STK17A: variants seen among roughly 807,000 people sequenced by gnomAD.
STK17A encodes serine/threonine kinase 17a.
In STK17A, 26 loss-of-function variants were observed where a neutral mutation model predicts 43.7. That is an observed-to-expected ratio of 0.60 (90% CI 0.44 to 0.83). The LOEUF (loss-of-function observed/expected upper bound fraction) is 0.83. Among genes scored for constraint, STK17A ranks in the 40% least tolerant of loss-of-function variants. STK17A has a pLI of 0.00. For synonymous variants in STK17A, 191 were observed against 182.5 expected, an observed-to-expected ratio of 1.05 and a Z score of -0.38; for missense variants, 476 against 511.6, an observed-to-expected ratio of 0.93 and a Z score of 0.67.
In STK17A at chr7:43,627,209, A is replaced by G. The variant is rs2084654466; in HGVS notation, c.*2367A>G. ...ATAAGTTTTAATCAACTGGGAAATG[A>G]TATTTGATTGATCTTGTGTTTTGTT... On this transcript the variant is annotated 3_prime_UTR_variant, in exon 7 of 7. Transcript: ENST00000319357. 6.6e-6 allele frequency among the ~76,000 whole-genome samples: 1 copy of G among 152,202 alleles called. No homozygotes were observed. Among genetic ancestry groups the G allele is most frequent in the Admixed American group, 6.5e-5 (1 of 15,284 alleles).
intron 2 of STK17A, among the ~76,000 whole-genome samples, chr7:43,597,918 CTG>C (rs1053186151): frequency 3.0e-4 from 45 of 151,866 alleles, no homozygotes; most frequent in African/African-American, 1.1e-3. Flanking sequence ...GAGTGAGACT[CTG>C]TCTCAAAAAA....
intron 2 of STK17A, among the ~76,000 whole-genome samples, chr7:43,601,412 G>C (rs1391120938): frequency 6.6e-6 from 1 of 152,146 alleles, no homozygotes; most frequent in African/African-American, 2.4e-5. Context: ...ATAAGTTTAG[G>C]AATCTCATAT....
intron 3 of STK17A, among the ~76,000 whole-genome samples, chr7:43,615,293 G>C (rs979009233): frequency 6.6e-6 from 1 of 151,818 alleles, no homozygotes; most frequent in Non-Finnish European, 1.5e-5. Context: ...CTCCCACCTC[G>C]GCCTCCCAAG....
At chr7:43,596,675 T>C (rs1382122684) in intron 2 of STK17A, among the ~76,000 whole-genome samples, 1 of 152,034 alleles carries the variant, frequency 6.6e-6, no homozygotes, top group South Asian at 2.1e-4. Flanking sequence ...AAGACCAGTC[T>C]GGCCAACATG....
chr7:43,609,623 A>G (rs975394286), intron 3 of STK17A: 4 of 152,224 alleles, frequency 2.6e-5, no homozygotes, highest in African/African-American at 4.8e-5. Context: ...GGTTACTTTC[A>G]TATCAAGTCC....
intron 6 of STK17A, 129 bp downstream of exon 6, chr7:43,624,017 G>A: frequency 1.6e-6 from 1 of 609,638 alleles, no homozygotes; most frequent in Non-Finnish European, 2.5e-6. Context: ...ACACCATAAT[G>A]GAAACACAAA....
intron 2 of STK17A, among the ~76,000 whole-genome samples, chr7:43,603,101 C>A (rs2082566122): frequency 6.6e-6 from 1 of 152,138 alleles, no homozygotes; most frequent in Non-Finnish European, 1.5e-5. Flanking sequence ...CAGCTGGTCA[C>A]CCTGGTTTCA....
chr7:43,615,986 C>T (rs2083305450), intron 3 of STK17A, among the ~76,000 whole-genome samples: 2 of 152,194 alleles, frequency 1.3e-5, no homozygotes, highest in South Asian at 4.1e-4. Flanking sequence ...TTGAGTTCCC[C>T]ATAGTGCTTA....
At chr7:43,588,069 GGTAA>G (rs1256531679) in intron 1 of STK17A, among the ~76,000 whole-genome samples, 1 of 151,488 alleles carries the variant, frequency 6.6e-6, no homozygotes. Flanking sequence ...CACCTCTTCA[GGTAA>G]GTAAGAAGTT....
intron 3 of STK17A, among the ~76,000 whole-genome samples, chr7:43,616,208 T>C (rs2083326444): frequency 6.6e-6 from 1 of 152,246 alleles, no homozygotes; most frequent in Admixed American, 6.5e-5. Context: ...CTGATATATT[T>C]ATCGCCTGAG....
At chr7:43,606,839 G>A (rs553838757) in intron 2 of STK17A, among the ~76,000 whole-genome samples, 28 of 150,578 alleles carry the variant, frequency 1.9e-4, no homozygotes, top group African/African-American at 4.6e-4. Context: ...ATGTTGTACC[G>A]AGAGAAATAT....
intron 1 of STK17A, among the ~76,000 whole-genome samples, chr7:43,589,937 A>ATTTTATTTTATTTT (rs373425371): frequency 1.9e-5 from 2 of 103,780 alleles, no homozygotes; most frequent in African/African-American, 3.0e-5. Flanking sequence ...TTTTAATTTT[A>ATTTTATTTTATTTT]ATTTTATTTT....
Position 43,583,156 on chromosome 7 carries a change from G to T in STK17A, c.-88G>T. 7.1e-7 allele frequency: 1 copy of T among 1,416,592 alleles called. No homozygotes were observed. Among genetic ancestry groups the T allele is most frequent in the South Asian group, 1.3e-5 (1 of 78,964 alleles). The allele number at this position is 1,416,592 out of a possible 1,614,324, so 87.8% of individuals were successfully genotyped here. A position where few individuals can be genotyped will look rare whatever the true frequency, so the allele number is the denominator to read the frequency against. On this transcript the variant is annotated 5_prime_UTR_variant, in exon 1 of 7. Coordinates refer to ENST00000319357, the MANE Select transcript of STK17A (RefSeq NM_004760.3). Reference sequence around the variant, plus strand: ...AGAGCGGGTGTTTGAAGGCTCCGCGGACCGGCACTAGGAGCCGGGGGCGGG... The same window carrying T: ...AGAGCGGGTGTTTGAAGGCTCCGCGTACCGGCACTAGGAGCCGGGGGCGGG...
At chr7:43,598,911 C>A (rs1270898795) in intron 2 of STK17A, among the ~76,000 whole-genome samples, 1 of 151,894 alleles carries the variant, frequency 6.6e-6, no homozygotes, top group Non-Finnish European at 1.5e-5. Context: ...TACAGGTGCA[C>A]ACCACCACGC....
At chr7:43,584,776 A>G (rs946122958) in intron 1 of STK17A, among the ~76,000 whole-genome samples, 2 of 152,230 alleles carry the variant, frequency 1.3e-5, no homozygotes, top group Admixed American at 1.3e-4. Context: ...GATTTACTTC[A>G]CTGCTAGGCC....
chr7:43,606,855 CTTTTTT>C (rs200562237), intron 2 of STK17A, among the ~76,000 whole-genome samples: 1 of 132,768 alleles, frequency 7.5e-6, no homozygotes. Flanking sequence ...AATATAGTCT[CTTTTTT>C]TTTGAGAGGA....
chr7:43,583,757 G>A (rs777311990), intron 1 of STK17A, among the ~76,000 whole-genome samples: 15 of 152,192 alleles, frequency 9.9e-5, no homozygotes, highest in Non-Finnish European at 1.6e-4. Flanking sequence ...AACGAGAGAA[G>A]GTGCGGGCCG....
intron 3 of STK17A, among the ~76,000 whole-genome samples, chr7:43,614,295 C>T (rs1468616175): frequency 6.6e-6 from 1 of 152,144 alleles, no homozygotes; most frequent in Non-Finnish European, 1.5e-5. Flanking sequence ...CTGCCTATTC[C>T]ACTGTTATCA....
In STK17A at chr7:43,592,949, CA is replaced by C. The variant is rs1442707804; in HGVS notation, c.207-2951del. ...AGAAAGCTTTTTAAAAAAATAGATT[CA>C]GGGGTACAAGTGCATTTGTGTCACA... is the stretch of plus-strand genomic sequence containing the variant. On this transcript the variant is annotated intron_variant, in intron 1 of 6. Coordinates refer to ENST00000319357, the MANE Select transcript of STK17A (RefSeq NM_004760.3). Among the ~76,000 whole-genome samples, 2 of 152,170 alleles carry C rather than the reference CA, an allele frequency of 1.3e-5. 1 individual carries two copies. Among genetic ancestry groups the C allele is most frequent in the Non-Finnish European group, 2.9e-5 (2 of 68,028 alleles).
Sources: allele counts gnomAD v4.1 joint callset (sites outside exome capture counted in the v4.1 genomes callset), GRCh38; gene constraint gnomAD v4.1.1; transcripts MANE v1.5; gene names NCBI Gene and HGNC (gene_info 2026-07-23, HGNC 2026-07-21).